The following SKA2 variants were observed in gnomAD, a reference collection of about 807,000 sequenced individuals.
SKA2 encodes the protein spindle and kinetochore associated complex subunit 2, also known as spindle and kinetochore-associated protein 2.
A neutral mutation model predicts 16.9 loss-of-function variants in SKA2; 13 were observed. The ratio of observed to expected loss-of-function variants is 0.77; its 90% CI spans 0.50 to 1.22. The LOEUF (loss-of-function observed/expected upper bound fraction) is 1.22. SKA2 is among the 50% of genes most tolerant of loss of function. SKA2 has a pLI of 0.00. For synonymous variants in SKA2, 47 were observed against 48.5 expected, an observed-to-expected ratio of 0.97 and a Z score of 0.13; for missense variants, 107 against 139.7, an observed-to-expected ratio of 0.77 and a Z score of 1.18.
intron 3 of SKA2, among the ~76,000 whole-genome samples, chr17:59,117,143 G>T (rs1400742088): frequency 6.6e-6 from 1 of 151,750 alleles, no homozygotes; most frequent in Non-Finnish European, 1.5e-5. Flanking sequence ...AATTTCACAG[G>T]TTTGTCCCTG....
chr17:59,123,021 C>CAAAA (rs1197154280), intron 2 of SKA2, among the ~76,000 whole-genome samples: 2 of 49,092 alleles, frequency 4.1e-5, no homozygotes, highest in African/African-American at 7.0e-5. Flanking sequence ...AACCTTGTCT[C>CAAAA]AAAAAAAAAA....
chr17:59,131,319 A>C lies in SKA2; in HGVS notation c.82T>G (p.Tyr28Asp). 6.3e-7 allele frequency: 1 copy of C among 1,583,282 alleles called. No homozygotes were observed. The highest frequency in any genetic ancestry group is 1.2e-5 in the South Asian group (1 of 86,496). The change falls in exon 2 of 4, where the codon TAT (tyrosine) becomes GAT (aspartate). Residue 28 changes from tyrosine (Y) to aspartate (D), a missense_variant. Tyr to Asp is a radical substitution (Grantham distance 160, BLOSUM62 -3). Coordinates refer to ENST00000330137, the MANE Select transcript of SKA2 (RefSeq NM_182620.4). ...DLDYIQYRLE[Y>D]EIKTNHPDSA... ...TCAGGATGATTAGTCTTGATTTCATATTCCAGCCTGTATTGAATGTAATCC... is the reference window on the plus strand; with the variant it reads ...TCAGGATGATTAGTCTTGATTTCATCTTCCAGCCTGTATTGAATGTAATCC...
At chr17:59,127,790 C>G (rs2147803389) in intron 2 of SKA2, among the ~76,000 whole-genome samples, 1 of 152,228 alleles carries the variant, frequency 6.6e-6, no homozygotes, top group South Asian at 2.1e-4. Context: ...ATATGGCCAG[C>G]AATTCTACTC....
intron 1 of SKA2, among the ~76,000 whole-genome samples, chr17:59,147,645 T>C (rs2046543639): frequency 6.6e-6 from 1 of 151,628 alleles, no homozygotes; most frequent in African/African-American, 2.4e-5. Context: ...TTTAATTTTA[T>C]TAGAGATGGA....
chr17:59,148,124 GCCA>G (rs2046547827), intron 1 of SKA2, among the ~76,000 whole-genome samples: 1 of 152,030 alleles, frequency 6.6e-6, no homozygotes, highest in East Asian at 1.9e-4. Flanking sequence ...ACAGGCATAA[GCCA>G]CCATGCCCAG....
chr17:59,131,808 C>T (rs938048094), intron 1 of SKA2, among the ~76,000 whole-genome samples: 2 of 152,132 alleles, frequency 1.3e-5, no homozygotes, highest in African/African-American at 2.4e-5. Flanking sequence ...CCTTTATTTG[C>T]AATCCCATTG....
chr17:59,127,446 T>C (rs111262132), intron 2 of SKA2, among the ~76,000 whole-genome samples: 4,046 of 152,286 alleles, frequency 0.027, 81 homozygotes, highest in Non-Finnish European at 0.043. Flanking sequence ...TGGAGTTCAA[T>C]GGCGCAATCT....
rs377464779 is a variant in SKA2 at position 59,119,312 on chromosome 17, G to A, written c.297+7C>T. 6.8e-6 allele frequency: 11 copies of A among 1,612,920 alleles called. No individual in the cohort carries two copies. The highest frequency in any genetic ancestry group is 1.6e-4 in the Middle Eastern group (1 of 6,082). On this transcript the variant is annotated splice_region_variant and intron_variant, in intron 3 of 3. Transcript: ENST00000330137. Reference sequence around the variant, plus strand: ...AACAAATCTAACCTGTCAACTGAAAGCATTACCTCCAGGTCTGTTTGCTTC... The same window carrying A: ...AACAAATCTAACCTGTCAACTGAAAACATTACCTCCAGGTCTGTTTGCTTC...
At chr17:59,128,808 G>C (rs887299069) in intron 2 of SKA2, among the ~76,000 whole-genome samples, 3 of 152,106 alleles carry the variant, frequency 2.0e-5, no homozygotes, top group Non-Finnish European at 4.4e-5. Context: ...CATGGGTATG[G>C]GGTTTCTTTC....
chr17:59,137,753 T>G (rs763009394), intron 1 of SKA2: 1 of 524,540 alleles, frequency 1.9e-6, no homozygotes, highest in African/African-American at 1.9e-5. Flanking sequence ...ACATACTTTC[T>G]GCAGCCTGCC....
intron 3 of SKA2, among the ~76,000 whole-genome samples, chr17:59,113,910 T>C (rs971040113): frequency 6.6e-6 from 1 of 152,132 alleles, no homozygotes; most frequent in African/African-American, 2.4e-5. Flanking sequence ...CTGACTTATT[T>C]AGCAACTGAA....
At chr17:59,117,274 T>A (rs1035615572) in intron 3 of SKA2, among the ~76,000 whole-genome samples, 2 of 152,234 alleles carry the variant, frequency 1.3e-5, no homozygotes, top group Non-Finnish European at 2.9e-5. Flanking sequence ...CACATTTGGA[T>A]CATAAAAATT....
Position 59,138,660 on chromosome 17 carries a change from G to A in SKA2, c.34-7293C>T, listed in dbSNP as rs1265407078. 6.6e-5 allele frequency among the ~76,000 whole-genome samples: 10 copies of A among 152,008 alleles called. No homozygotes were observed. In the East Asian group the frequency reaches 7.9e-4, roughly 12 times the overall value. On this transcript the variant is annotated intron_variant, in intron 1 of 3. Coordinates refer to ENST00000330137, the MANE Select transcript of SKA2 (RefSeq NM_182620.4). ...TTGCCCAGACTAGTCTTGACCTCCC[G>A]AGCTCAAGTGATCTGCCCGCCTCGG...
Position 59,127,708 on chromosome 17 carries a change from G to A in SKA2, c.120+3573C>T, listed in dbSNP as rs550164536. Among the ~76,000 whole-genome samples, 31 of 151,848 alleles carry A rather than the reference G, an allele frequency of 2.0e-4. 1 individual carries two copies. In the South Asian group the frequency reaches 6.5e-3, roughly 32 times the overall value. ...AGCCCACAATTTTTTTTTTTAAACT[G>A]AGAATGTAAAATGCTTTAGATGCCT... On this transcript the variant is annotated intron_variant, in intron 2 of 3. Coordinates refer to ENST00000330137, the MANE Select transcript of SKA2 (RefSeq NM_182620.4).
At chr17:59,113,016 A>C (rs557194722) in intron 3 of SKA2, among the ~76,000 whole-genome samples, 1 of 151,878 alleles carries the variant, frequency 6.6e-6, no homozygotes, top group African/African-American at 2.4e-5. Flanking sequence ...CATCTCAAGC[A>C]ATCCTCCCAC....
chr17:59,121,025 A>C (rs921596090), intron 2 of SKA2, among the ~76,000 whole-genome samples: 13 of 151,442 alleles, frequency 8.6e-5, no homozygotes, highest in Non-Finnish European at 5.9e-5. Flanking sequence ...TGTGGCGGGC[A>C]CCTGTAGTCC....
At chr17:59,149,877 G>A (rs1289031165) in intron 1 of SKA2, among the ~76,000 whole-genome samples, 1 of 152,164 alleles carries the variant, frequency 6.6e-6, no homozygotes, top group East Asian at 1.9e-4. Flanking sequence ...TGGGGAAGAA[G>A]AGGTTGACCA....
chr17:59,129,058 T>C (rs559934755), intron 2 of SKA2, among the ~76,000 whole-genome samples: 2 of 152,236 alleles, frequency 1.3e-5, no homozygotes, highest in Admixed American at 1.3e-4. Flanking sequence ...ACTTGAAAGA[T>C]ACTGACTAGG....
rs2046255738 is a variant in SKA2, at chr17:59,110,385, AATC to A, written c.*1889_*1891del. The A allele has an allele frequency of 1.3e-5, 2 of 152,194 alleles. No homozygotes were observed. The highest frequency in any genetic ancestry group is 2.4e-5 in the African/African-American group (1 of 41,456). The allele number at this position is 152,194 out of a possible 1,614,324, so 9.4% of individuals were successfully genotyped here. On this transcript the variant is annotated 3_prime_UTR_variant, in exon 4 of 4. Transcript: ENST00000330137. ...ATACTACCGTTTTTTCAATCCCAAC[AATC>A]ATCATCACATCCCAGAGCCATCTCA...
Sources: allele counts gnomAD v4.1 joint callset (sites outside exome capture counted in the v4.1 genomes callset), GRCh38; gene constraint gnomAD v4.1.1; transcripts MANE v1.5; gene names NCBI Gene and HGNC (gene_info 2026-07-23, HGNC 2026-07-21).